PTPRN2: variants seen among roughly 807,000 people sequenced by gnomAD.
The protein encoded by PTPRN2 is protein tyrosine phosphatase receptor type N2.
Under a neutral mutation model 118.8 loss-of-function variants are expected in PTPRN2, and 74 were observed. The observed-to-expected ratio is 0.62, with a 90% confidence interval of 0.52 to 0.76. The LOEUF is 0.76. PTPRN2 is among the 30% of genes least tolerant of loss of function. PTPRN2 has a pLI of 0.00. For synonymous variants in PTPRN2, 641 were observed against 608.0 expected, an observed-to-expected ratio of 1.05 and a Z score of -0.80; for missense variants, 1,481 against 1,394.4, an observed-to-expected ratio of 1.06 and a Z score of -0.99.
rs1805295700 is a variant in PTPRN2, at chr7:157,801,428, C to G, written c.1788+97245G>C. On this transcript the variant is annotated intron_variant, in intron 12 of 22. Coordinates refer to ENST00000389418, the MANE Select transcript of PTPRN2 (RefSeq NM_002847.5). This position sits in a 1 kb window ranked among gnomAD's most constrained non-coding sequence, Gnocchi z 4.2. ...TGCATCACGAGAGTGCTGCGTTAAC[C>G]CAGGTGCGGGGGATATTATCCTCCC... 6.6e-6 allele frequency among the ~76,000 whole-genome samples: 1 copy of G among 151,996 alleles called. No individual in the cohort carries two copies. The highest frequency in any genetic ancestry group is 2.4e-5 in the African/African-American group (1 of 41,360).
At chr7:157,683,270 C>T (rs775882147) in intron 12 of PTPRN2, among the ~76,000 whole-genome samples, 1 of 152,100 alleles carries the variant, frequency 6.6e-6, no homozygotes, top group Non-Finnish European at 1.5e-5. Context: ...TTCTTCTAAC[C>T]GGGCACAGCA....
At chr7:158,006,549 A>T (rs1805643617) in intron 11 of PTPRN2, among the ~76,000 whole-genome samples, 1 of 152,212 alleles carries the variant, frequency 6.6e-6, no homozygotes, top group Admixed American at 6.5e-5. Flanking sequence ...GCCGCCCGGG[A>T]TGCAGACACA....
chr7:158,483,506 C>T (rs932382785), intron 2 of PTPRN2, among the ~76,000 whole-genome samples: 4 of 152,170 alleles, frequency 2.6e-5, no homozygotes, highest in Non-Finnish European at 4.4e-5. Context: ...TTGGGGACAA[C>T]GCTAGTGCTT....
chr7:157,754,474 C>T (rs1210374476), intron 12 of PTPRN2, among the ~76,000 whole-genome samples: 3 of 152,258 alleles, frequency 2.0e-5, no homozygotes, highest in Non-Finnish European at 2.9e-5. Flanking sequence ...CAGACATCAA[C>T]CTAGACCAGC....
chr7:158,223,099 A>T (rs1828486659), intron 3 of PTPRN2, among the ~76,000 whole-genome samples: 3 of 152,210 alleles, frequency 2.0e-5, no homozygotes. Flanking sequence ...ACTCCTTGAA[A>T]TCCACAAGTT....
At chr7:158,428,300 C>T (rs761525185) in intron 2 of PTPRN2, among the ~76,000 whole-genome samples, 23 of 152,242 alleles carry the variant, frequency 1.5e-4, no homozygotes, top group Non-Finnish European at 2.4e-4. Context: ...ACTCGCAGCG[C>T]ATCCAAGACA....
chr7:157,686,866 C>A (rs996185255), intron 12 of PTPRN2, among the ~76,000 whole-genome samples: 1 of 151,932 alleles, frequency 6.6e-6, no homozygotes, highest in Non-Finnish European at 1.5e-5. Flanking sequence ...GTGCTGAGTT[C>A]TCAGAGGCAG....
chr7:157,979,937 G>A (rs966881210), intron 11 of PTPRN2, among the ~76,000 whole-genome samples: 14 of 152,340 alleles, frequency 9.2e-5, no homozygotes, highest in South Asian at 2.1e-4. Context: ...CAACAGGAAC[G>A]AAGCTGGTGA....
Position 157,550,027 on chromosome 7 carries a change from C to T in PTPRN2, c.2903-1008G>A, listed in dbSNP as rs1268906114. 6.6e-6 allele frequency among the ~76,000 whole-genome samples: 1 copy of T among 152,246 alleles called. No individual in the cohort carries two copies. Among genetic ancestry groups the T allele is most frequent in the African/African-American group, 2.4e-5 (1 of 41,458 alleles). ...GCCGCAGCCATTGGAACCCCAACTA[C>T]CGTGGGCAGGACAGCGCTGGCCGAA... On this transcript the variant is annotated intron_variant, in intron 21 of 22. Transcript: ENST00000389418. The surrounding 1 kb of genome is among the most constrained non-coding windows in gnomAD (Gnocchi z 5.2).
chr7:158,041,456 G>A (rs1563353692), intron 11 of PTPRN2, among the ~76,000 whole-genome samples: 1 of 152,012 alleles, frequency 6.6e-6, no homozygotes, highest in Non-Finnish European at 1.5e-5. Context: ...TGGCCAACAT[G>A]GTGAAACCCT....
At chr7:158,171,205 C>CACA (rs1563554968) in intron 5 of PTPRN2, among the ~76,000 whole-genome samples, 1 of 74,070 alleles carries the variant, frequency 1.4e-5, no homozygotes, top group Non-Finnish European at 2.8e-5. Flanking sequence ...TATATATACA[C>CACA]TATATATACA....
intron 5 of PTPRN2, among the ~76,000 whole-genome samples, chr7:158,189,660 T>C (rs1205683962): frequency 6.6e-6 from 1 of 152,204 alleles, no homozygotes; most frequent in Non-Finnish European, 1.5e-5. Flanking sequence ...TAATGACGCC[T>C]CCCCCTTCCC....
rs1051295754 is a variant in PTPRN2 at position 157,590,095 on chromosome 7, G to A, written c.2496+5143C>T. 1.3e-5 allele frequency among the ~76,000 whole-genome samples: 2 copies of A among 152,342 alleles called. No individual in the cohort carries two copies. Among genetic ancestry groups the A allele is most frequent in the South Asian group, 4.1e-4 (2 of 4,830 alleles). ...ATATCATCCCAGAATGACCAGCAGA[G>A]AGGACGGTGGACATGTTTCTTCCTA... On this transcript the variant is annotated intron_variant, in intron 17 of 22. Transcript: ENST00000389418. This position sits in a 1 kb window ranked among gnomAD's most constrained non-coding sequence, Gnocchi z 4.0.
At chr7:157,877,607 C>T (rs983928816) in intron 12 of PTPRN2, among the ~76,000 whole-genome samples, 6 of 152,160 alleles carry the variant, frequency 3.9e-5, no homozygotes, top group Admixed American at 2.0e-4. Flanking sequence ...ACCCCGCCCA[C>T]GTCACAAAGA....
At chr7:158,127,354 C>T (rs118028841) in intron 9 of PTPRN2, among the ~76,000 whole-genome samples, 1,667 of 152,198 alleles carry the variant, frequency 0.011, 24 homozygotes, top group Non-Finnish European at 0.016. Context: ...GCACGTGGCC[C>T]GGGCTCTGCT....
rs1000314414 is a variant in PTPRN2, at chr7:157,861,498, G to T, written c.1788+37175C>A. 1.3e-5 allele frequency among the ~76,000 whole-genome samples: 2 copies of T among 152,242 alleles called. No individual in the cohort carries two copies. Among genetic ancestry groups the T allele is most frequent in the African/African-American group, 2.4e-5 (1 of 41,468 alleles). ...TGGCCCGCCCTCCCTGAGTCTTGCA[G>T]GGCCCAGCCGCTGTGCCTCTGTGTG... On this transcript the variant is annotated intron_variant, in intron 12 of 22. Coordinates refer to ENST00000389418, the MANE Select transcript of PTPRN2 (RefSeq NM_002847.5). The surrounding 1 kb of genome is among the most constrained non-coding windows in gnomAD (Gnocchi z 5.8).
At chr7:157,898,523 G>A (rs907828015) in intron 12 of PTPRN2, 150 bp downstream of exon 12, 3 of 784,470 alleles carry the variant, frequency 3.8e-6, no homozygotes, top group African/African-American at 3.5e-5. Context: ...ACCCGCAGAG[G>A]ATGCTCCTGC....
intron 17 of PTPRN2, among the ~76,000 whole-genome samples, chr7:157,582,808 A>T (rs1800467622): frequency 2.6e-5 from 4 of 151,776 alleles, no homozygotes; most frequent in Non-Finnish European, 5.9e-5. Context: ...TAGGAGGCGG[A>T]GGTTGCAGTG....
intron 11 of PTPRN2, among the ~76,000 whole-genome samples, chr7:158,061,623 A>G (rs1193452452): frequency 6.6e-6 from 1 of 152,178 alleles, no homozygotes; most frequent in Non-Finnish European, 1.5e-5. Context: ...TGGACGGAGG[A>G]AGGCTGTGGC....
Sources: gnomAD v4.1 joint callset for allele counts (sites outside exome capture counted in the v4.1 genomes callset) on GRCh38, gnomAD v4.1.1 for gene constraint, Gnocchi (gnomAD v3.1) non-coding constraint, MANE v1.5 for transcripts, NCBI Gene and HGNC (gene_info 2026-07-23, HGNC 2026-07-21) for gene names.